The following CCDC150 variants were observed in gnomAD, a reference collection of about 807,000 sequenced individuals.
The protein encoded by CCDC150 is coiled-coil domain containing 150.
CCDC150 carries 151 observed loss-of-function variants against 156.5 expected under a neutral mutation model. The observed-to-expected ratio is 0.97, with a 90% CI of 0.85 to 1.10. CCDC150 has a LOEUF of 1.10. Ranked by LOEUF, CCDC150 falls within the 50% of genes least tolerant of loss-of-function variation. The pLI is 0.00. For missense variants in CCDC150, 1,312 were observed against 1,268.1 expected (o/e 1.03, Z -0.53); for synonymous variants, 452 against 429.4 (o/e 1.05, Z -0.65).
chr2:196,686,063 C>G (rs1362486747), intron 13 of CCDC150: 1 of 154,546 alleles, frequency 6.5e-6, no homozygotes, highest in Non-Finnish European at 1.4e-5. Flanking sequence ...GATTTTGTGT[C>G]TCTTGCTTTC....
chr2:196,650,561 T>C (rs1295313046), intron 2 of CCDC150, among the ~76,000 whole-genome samples: 2 of 152,120 alleles, frequency 1.3e-5, no homozygotes, highest in African/African-American at 4.8e-5. Context: ...GCCTGGCTAA[T>C]TTTTGTATTT....
At chr2:196,658,694 G>A in intron 4 of CCDC150, 98 bp from the exon 5 acceptor site, 1 of 742,166 alleles carries the variant, frequency 1.3e-6, no homozygotes, top group Non-Finnish European at 2.2e-6. Flanking sequence ...AGCATTTATA[G>A]GTTGCCAGAA....
chr2:196,682,072 A>T (rs1054828116), intron 13 of CCDC150, among the ~76,000 whole-genome samples: 34 of 151,890 alleles, frequency 2.2e-4, no homozygotes, highest in Non-Finnish European at 3.7e-4. Context: ...ATATTTTAAA[A>T]TTTTTTTAAT....
At chr2:196,718,383 G>T (rs763944957) in intron 17 of CCDC150, 120 bp from the exon 18 acceptor site, 241 of 697,926 alleles carry the variant, frequency 3.5e-4, no homozygotes, top group Non-Finnish European at 4.9e-4. Flanking sequence ...ATAAAGATGG[G>T]TTCTATTTAT....
At chr2:196,696,380 C>G (rs781688109) in intron 14 of CCDC150, among the ~76,000 whole-genome samples, 2 of 152,200 alleles carry the variant, frequency 1.3e-5, no homozygotes, top group African/African-American at 4.8e-5. Context: ...AACCCTCTCT[C>G]TCTGCAGAAT....
Position 196,676,226 on chromosome 2 carries a change from A to T in CCDC150, c.1221A>T (p.Leu407=). 1.2e-6 allele frequency: 2 copies of T among 1,613,676 alleles called. No homozygotes were observed. The highest frequency in any genetic ancestry group is 1.7e-6 in the Non-Finnish European group (2 of 1,179,624). ...DAAHASITNE[L]QTVQNEKTQL... ...CCCATGCCAGTATCACAAATGAACT[A>T]CAGACTGTTCAGAATGAGAAAACCC... Residue 407 remains leucine (L), a synonymous_variant, in exon 11 of 28, where the codon CTA becomes CTT. Transcript: ENST00000389175.
At chr2:196,689,123 T>G (rs1695285794) in intron 13 of CCDC150, among the ~76,000 whole-genome samples, 1 of 152,280 alleles carries the variant, frequency 6.6e-6, no homozygotes, top group Admixed American at 6.5e-5. Context: ...TTGGTACCAG[T>G]ACCATGCTGT....
intron 15 of CCDC150, among the ~76,000 whole-genome samples, chr2:196,710,055 A>T (rs1696989837): frequency 6.6e-6 from 1 of 152,252 alleles, no homozygotes; most frequent in Non-Finnish European, 1.5e-5. Flanking sequence ...GCTGTCAGAC[A>T]GGGACGTTTA....
chr2:196,687,775 A>G (rs1340058651), intron 13 of CCDC150, among the ~76,000 whole-genome samples: 3 of 152,112 alleles, frequency 2.0e-5, no homozygotes, highest in African/African-American at 4.8e-5. Flanking sequence ...TAATTTTTGT[A>G]TATGGCATAG....
At chr2:196,646,902 A>T (rs1476386347) in intron 2 of CCDC150, among the ~76,000 whole-genome samples, 4 of 152,124 alleles carry the variant, frequency 2.6e-5, no homozygotes, top group African/African-American at 9.7e-5. Flanking sequence ...CATATTTATT[A>T]TAAATTAAAA....
At chr2:196,649,227 A>G (rs1692732298) in intron 2 of CCDC150, among the ~76,000 whole-genome samples, 1 of 152,192 alleles carries the variant, frequency 6.6e-6, no homozygotes, top group African/African-American at 2.4e-5. Flanking sequence ...TTTGGGTAGT[A>G]TAGACATTTT....
chr2:196,731,335 T>A (rs1451157623), intron 26 of CCDC150, among the ~76,000 whole-genome samples: 2 of 151,830 alleles, frequency 1.3e-5, no homozygotes, highest in African/African-American at 4.8e-5. Context: ...TAATTGTGAA[T>A]TTTCTTTCTC....
chr2:196,690,476 A>G (rs1695393763), intron 13 of CCDC150, among the ~76,000 whole-genome samples: 1 of 152,182 alleles, frequency 6.6e-6, no homozygotes, highest in Admixed American at 6.5e-5. Flanking sequence ...AAATAGGTAA[A>G]TTCATATAAA....
At chr2:196,645,050 G>A (rs901940543) in intron 1 of CCDC150, among the ~76,000 whole-genome samples, 1 of 152,112 alleles carries the variant, frequency 6.6e-6, no homozygotes, top group African/African-American at 2.4e-5. Flanking sequence ...CTTGAACTTA[G>A]GAGGTGGAGG....
At chr2:196,696,177 A>G (rs1419952011) in intron 14 of CCDC150, among the ~76,000 whole-genome samples, 1 of 152,212 alleles carries the variant, frequency 6.6e-6, no homozygotes, top group Non-Finnish European at 1.5e-5. Flanking sequence ...TAATCTGTCA[A>G]AATGAGGATA....
chr2:196,717,093 G>A (rs1032082901), intron 17 of CCDC150, among the ~76,000 whole-genome samples: 7 of 151,514 alleles, frequency 4.6e-5, no homozygotes, highest in Non-Finnish European at 8.8e-5. Flanking sequence ...GTTTCACCAC[G>A]TTGGCTAGGA....
intron 15 of CCDC150, among the ~76,000 whole-genome samples, chr2:196,702,478 A>G (rs1472998419): frequency 6.6e-6 from 1 of 151,592 alleles, no homozygotes; most frequent in Non-Finnish European, 1.5e-5. Flanking sequence ...CTCCCACCTC[A>G]GTCACCCAAG....
At chr2:196,704,750 T>A (rs1412376053) in intron 15 of CCDC150, among the ~76,000 whole-genome samples, 1 of 152,118 alleles carries the variant, frequency 6.6e-6, no homozygotes, top group Non-Finnish European at 1.5e-5. Context: ...CTGCCCTGTG[T>A]CCAGGTGTTG....
At chr2:196,679,574 T>G (rs769694808) in intron 13 of CCDC150, among the ~76,000 whole-genome samples, 1 of 152,234 alleles carries the variant, frequency 6.6e-6, no homozygotes, top group African/African-American at 2.4e-5. Context: ...TTTTGGCAGT[T>G]AATAAAGCCT....
Sources: gnomAD v4.1 joint callset for allele counts (sites outside exome capture counted in the v4.1 genomes callset) on GRCh38, gnomAD v4.1.1 for gene constraint, MANE v1.5 for transcripts, NCBI Gene and HGNC (gene_info 2026-07-23, HGNC 2026-07-21) for gene names.